Variants in NCAM2 observed in about 807,000 individuals in gnomAD.
The protein encoded by NCAM2 is neural cell adhesion molecule 2, also known as N-CAM-2.
NCAM2 carries 30 observed loss-of-function variants against 98.1 expected under a neutral mutation model. The ratio of observed to expected loss-of-function variants is 0.31; its 90% confidence interval spans 0.23 to 0.41. The LOEUF is 0.41. NCAM2 is among the 10% of genes least tolerant of loss of function. The probability of loss-of-function intolerance (pLI) is 1.00; values close to 1 mark genes in which losing one functional copy is unlikely to be tolerated. For synonymous variants in NCAM2, 368 were observed against 342.4 expected, an observed-to-expected ratio of 1.07 and a Z score of -0.83; for missense variants, 867 against 1,005.8, an observed-to-expected ratio of 0.86 and a Z score of 1.87.
At chr21:21,130,994 T>C (rs190164273) in intron 1 of NCAM2, among the ~76,000 whole-genome samples, 12 of 152,294 alleles carry the variant, frequency 7.9e-5, no homozygotes, top group Admixed American at 6.5e-4. Context: ...TTAAATTCTT[T>C]TGTGGAATTC....
At chr21:21,372,649 A>G (rs2075945669) in intron 8 of NCAM2, among the ~76,000 whole-genome samples, 1 of 151,884 alleles carries the variant, frequency 6.6e-6, no homozygotes, top group Non-Finnish European at 1.5e-5. Flanking sequence ...TTTTAGTGCA[A>G]GTATTTGACT....
chr21:21,000,354 G>A (rs2063996257), intron 1 of NCAM2, among the ~76,000 whole-genome samples: 1 of 152,180 alleles, frequency 6.6e-6, no homozygotes, highest in Admixed American at 6.5e-5. Context: ...TACATTGTGA[G>A]TGGTTTGGAG....
At chr21:21,179,691 A>G (rs928619094) in intron 1 of NCAM2, among the ~76,000 whole-genome samples, 3 of 152,202 alleles carry the variant, frequency 2.0e-5, no homozygotes, top group Admixed American at 1.3e-4. Context: ...TCTGGTTAAT[A>G]TATGTGTCAT....
At chr21:21,536,331 T>G (rs1989979542) in intron 17 of NCAM2, among the ~76,000 whole-genome samples, 1 of 152,024 alleles carries the variant, frequency 6.6e-6, no homozygotes, top group Non-Finnish European at 1.5e-5. Flanking sequence ...CATTGTAACT[T>G]TCACTCCATT....
At chr21:21,377,172 A>G (rs544253482) in intron 9 of NCAM2, among the ~76,000 whole-genome samples, 1 of 151,860 alleles carries the variant, frequency 6.6e-6, no homozygotes, top group East Asian at 1.9e-4. Context: ...ATCTCTTGTT[A>G]AGACATTATT....
At chr21:21,520,141 A>G (rs572272487) in intron 16 of NCAM2, among the ~76,000 whole-genome samples, 6 of 152,238 alleles carry the variant, frequency 3.9e-5, no homozygotes, top group African/African-American at 1.2e-4. Context: ...TTTACTAAGC[A>G]TTAATATTAA....
chr21:21,308,057 A>G (rs999791084), intron 5 of NCAM2, among the ~76,000 whole-genome samples: 7 of 88,582 alleles, frequency 7.9e-5, no homozygotes, highest in Non-Finnish European at 1.1e-4. Flanking sequence ...CAACTGTGCT[A>G]TGCATACACA....
At chr21:21,536,636 C>T (rs1057296522) in intron 17 of NCAM2, among the ~76,000 whole-genome samples, 2 of 152,060 alleles carry the variant, frequency 1.3e-5, no homozygotes, top group African/African-American at 2.4e-5. Context: ...GTGATCCGCC[C>T]GCCTTGGCCT....
intron 1 of NCAM2, among the ~76,000 whole-genome samples, chr21:21,219,789 G>A (rs1280388260): frequency 1.3e-5 from 2 of 152,194 alleles, no homozygotes; most frequent in African/African-American, 2.4e-5. Flanking sequence ...GGAGATGAAA[G>A]CTCTATGCTT....
At chr21:21,374,978 C>T (rs1254689782) in intron 9 of NCAM2, among the ~76,000 whole-genome samples, 1 of 150,896 alleles carries the variant, frequency 6.6e-6, no homozygotes, top group African/African-American at 2.4e-5. Context: ...ATGGAAAGAC[C>T]AATCAGAAAC....
At chr21:21,077,873 T>C (rs370542903) in intron 1 of NCAM2, among the ~76,000 whole-genome samples, 41 of 152,298 alleles carry the variant, frequency 2.7e-4, no homozygotes, top group African/African-American at 9.4e-4. Context: ...AAAATTGATA[T>C]GTAACTTTTA....
intron 1 of NCAM2, among the ~76,000 whole-genome samples, chr21:21,081,632 C>G (rs2065801381): frequency 8.8e-6 from 1 of 113,888 alleles, no homozygotes; most frequent in South Asian, 3.3e-4. Context: ...GAAACCCCAT[C>G]TCTACCAAAA....
intron 8 of NCAM2, among the ~76,000 whole-genome samples, chr21:21,346,161 A>G (rs529971338): frequency 1.3e-5 from 2 of 151,528 alleles, no homozygotes; most frequent in African/African-American, 4.8e-5. Context: ...TACTTCATCT[A>G]TAAAGACTCA....
intron 11 of NCAM2, among the ~76,000 whole-genome samples, chr21:21,421,385 A>AT (rs2077107267): frequency 2.5e-4 from 1 of 3,960 alleles, no homozygotes; most frequent in Admixed American, 6.6e-3. Flanking sequence ...AAATATTGGA[A>AT]ATTTTTTGAA....
intron 15 of NCAM2, among the ~76,000 whole-genome samples, chr21:21,500,836 A>T (rs1485429201): frequency 6.6e-6 from 1 of 152,048 alleles, no homozygotes; most frequent in Non-Finnish European, 1.5e-5. Flanking sequence ...ATCTCTCTTC[A>T]CAACTCCATA....
intron 1 of NCAM2, among the ~76,000 whole-genome samples, chr21:21,258,773 C>T (rs62209214): frequency 0.023 from 3,491 of 152,128 alleles, 59 homozygotes; most frequent in Admixed American, 0.044. Context: ...TTAATTCTCC[C>T]ACAAACATAC....
At chr21:21,145,450 TA>T (rs1260862971) in intron 1 of NCAM2, among the ~76,000 whole-genome samples, 2 of 152,178 alleles carry the variant, frequency 1.3e-5, no homozygotes, top group African/African-American at 4.8e-5. Context: ...ACAATCTTCA[TA>T]AAAATTCTTT....
chr21:21,477,286 C>G lies in NCAM2; in HGVS notation c.1897-5C>G. 6.4e-7 allele frequency: 1 copy of G among 1,561,792 alleles called. No homozygotes were observed. The highest frequency in any genetic ancestry group is 8.7e-7 in the Non-Finnish European group (1 of 1,152,926). ...TTACAAACTGCATTTTTATTGCTTTCACAGAAAGATAAGGAAGACCAATGG... is the reference window on the plus strand; with the variant it reads ...TTACAAACTGCATTTTTATTGCTTTGACAGAAAGATAAGGAAGACCAATGG... On this transcript the variant is annotated splice_polypyrimidine_tract_variant and splice_region_variant and intron_variant, in intron 14 of 17. Transcript: ENST00000400546.
At chr21:21,423,586 T>A (rs192621173) in intron 11 of NCAM2, among the ~76,000 whole-genome samples, 2 of 151,960 alleles carry the variant, frequency 1.3e-5, no homozygotes, top group Non-Finnish European at 2.9e-5. Context: ...ACTTTTGTTA[T>A]TTTTTTCCAT....
Sources: allele counts gnomAD v4.1 joint callset (sites outside exome capture counted in the v4.1 genomes callset), GRCh38; gene constraint gnomAD v4.1.1; transcripts MANE v1.5; gene names NCBI Gene and HGNC (gene_info 2026-07-23, HGNC 2026-07-21).